The following DNM3 variants were observed in gnomAD, a reference collection of about 807,000 sequenced individuals.
DNM3 encodes the protein dynamin-3.
DNM3 carries 47 observed loss-of-function variants against 101.6 expected under a neutral mutation model. The observed-to-expected ratio is 0.46, with a 90% CI of 0.37 to 0.59. The LOEUF (loss-of-function observed/expected upper bound fraction) is 0.59. DNM3 is among the 20% of genes least tolerant of loss of function. The pLI is 0.00. For missense variants in DNM3, 849 were observed against 1,085.7 expected (o/e 0.78, Z 3.06); for synonymous variants, 385 against 387.9 (o/e 0.99, Z 0.09).
intron 14 of DNM3, among the ~76,000 whole-genome samples, chr1:172,228,399 C>T (rs1191462933): frequency 4.1e-4 from 62 of 152,058 alleles, no homozygotes; most frequent in Admixed American, 4.1e-3. Context: ...GTCGGTTTCA[C>T]TCTTTCTTCG....
chr1:172,045,061 A>G (rs1409557016), intron 9 of DNM3, among the ~76,000 whole-genome samples: 2 of 151,938 alleles, frequency 1.3e-5, no homozygotes, highest in East Asian at 3.9e-4. Flanking sequence ...CCAAAGGCAA[A>G]GAGGTGAGCG....
chr1:172,316,571 A>T (rs1194583459), intron 16 of DNM3, among the ~76,000 whole-genome samples: 1 of 152,114 alleles, frequency 6.6e-6, no homozygotes, highest in Non-Finnish European at 1.5e-5. Context: ...AAAACAAAAA[A>T]AGGCAGGGGT....
At chr1:172,009,403 G>T (rs965592973) in intron 4 of DNM3, among the ~76,000 whole-genome samples, 29 of 150,758 alleles carry the variant, frequency 1.9e-4, no homozygotes, top group African/African-American at 7.0e-4. Context: ...AAGCTTACTG[G>T]GATTTTGCTT....
intron 1 of DNM3, among the ~76,000 whole-genome samples, chr1:171,846,632 T>A (rs1303868794): frequency 6.6e-6 from 1 of 152,212 alleles, no homozygotes; most frequent in Non-Finnish European, 1.5e-5. Flanking sequence ...AGAAATAGAT[T>A]ATTTTTTTCC....
intron 16 of DNM3, among the ~76,000 whole-genome samples, chr1:172,315,917 A>G (rs2065323951): frequency 6.6e-6 from 1 of 152,092 alleles, no homozygotes; most frequent in Non-Finnish European, 1.5e-5. Flanking sequence ...GAGAAGAGCA[A>G]CTCCGAGACA....
At chr1:172,391,106 C>T (rs1359366249) in intron 20 of DNM3, among the ~76,000 whole-genome samples, 1 of 152,176 alleles carries the variant, frequency 6.6e-6, no homozygotes, top group Non-Finnish European at 1.5e-5. Context: ...GGCAGCAGGG[C>T]TTAATGAGAC....
chr1:172,168,622 T>C (rs1049596522), intron 14 of DNM3, among the ~76,000 whole-genome samples: 3 of 151,942 alleles, frequency 2.0e-5, no homozygotes, highest in African/African-American at 7.2e-5. Context: ...CATGACTTAG[T>C]TGAAAGTATT....
At position 172,387,553 on chromosome 1, in the gene DNM3, G is replaced by A. The variant is rs552516676; in HGVS notation, c.2285+194G>A. ...GGGTGCCTGTAGTCCCAGCTACTCGGGAGGCTGAGGCAGGAGAATGGTGTG... is the reference window on the plus strand; with the variant it reads ...GGGTGCCTGTAGTCCCAGCTACTCGAGAGGCTGAGGCAGGAGAATGGTGTG... On this transcript the variant is annotated intron_variant, in intron 19 of 20. Transcript: ENST00000627582. 5.3e-5 allele frequency among the ~76,000 whole-genome samples: 8 copies of A among 152,096 alleles called. No homozygotes were observed. The South Asian group carries it at 1.5e-3, about 28-fold the overall frequency.
chr1:171,984,418 C>T (rs2045086402), intron 2 of DNM3, among the ~76,000 whole-genome samples: 1 of 152,182 alleles, frequency 6.6e-6, no homozygotes, highest in African/African-American at 2.4e-5. Context: ...CCGCCCGGTG[C>T]TCCAGCCACG....
At chr1:172,212,055 A>G (rs2060532219) in intron 14 of DNM3, among the ~76,000 whole-genome samples, 1 of 152,080 alleles carries the variant, frequency 6.6e-6, no homozygotes, top group Non-Finnish European at 1.5e-5. Flanking sequence ...ATAGGCAGTA[A>G]TTTGGTTTTT....
At chr1:171,890,947 T>C (rs1408220570) in intron 1 of DNM3, among the ~76,000 whole-genome samples, 1 of 152,204 alleles carries the variant, frequency 6.6e-6, no homozygotes, top group East Asian at 1.9e-4. Context: ...GGATTACAGA[T>C]GTGAGCCACT....
intron 1 of DNM3, among the ~76,000 whole-genome samples, chr1:171,857,444 T>A (rs1465590686): frequency 6.6e-6 from 1 of 152,094 alleles, no homozygotes; most frequent in South Asian, 2.1e-4. Context: ...ATAGTAAAAT[T>A]CATAGAAGTA....
intron 1 of DNM3, among the ~76,000 whole-genome samples, chr1:171,901,110 C>T (rs113944361): frequency 0.49 from 53,158 of 108,944 alleles, 12,338 homozygotes; most frequent in East Asian, 0.66. Flanking sequence ...GAGACTCTGT[C>T]TCAAAAAAAA....
chr1:171,924,719 G>C (rs990185404), intron 2 of DNM3, among the ~76,000 whole-genome samples: 1 of 152,130 alleles, frequency 6.6e-6, no homozygotes, highest in Non-Finnish European at 1.5e-5. Flanking sequence ...TGAGATTTGG[G>C]TGGGGACACA....
At chr1:171,943,292 C>A (rs185294467) in intron 2 of DNM3, among the ~76,000 whole-genome samples, 1 of 152,176 alleles carries the variant, frequency 6.6e-6, no homozygotes, top group East Asian at 1.9e-4. Context: ...TTTGAATAGA[C>A]CCCTCTTCTT....
At chr1:172,081,435 G>A (rs765062930) in intron 11 of DNM3, among the ~76,000 whole-genome samples, 1 of 152,176 alleles carries the variant, frequency 6.6e-6, no homozygotes, top group Non-Finnish European at 1.5e-5. Context: ...AATATATGAT[G>A]TCTACAGGAA....
intron 4 of DNM3, among the ~76,000 whole-genome samples, chr1:172,010,591 T>C (rs553419535): frequency 6.6e-6 from 1 of 151,020 alleles, no homozygotes; most frequent in Non-Finnish European, 1.5e-5. Context: ...TCTCTCTTTT[T>C]TCCCTCTCTG....
downstream of DNM3, among the ~76,000 whole-genome samples, chr1:172,413,406 T>C (rs2071316755): frequency 1.3e-5 from 2 of 152,126 alleles, no homozygotes; most frequent in South Asian, 4.1e-4. Flanking sequence ...TTTTTTGTAA[T>C]TTAGTAGAGA....
chr1:172,329,316 T>A (rs1273172521), intron 17 of DNM3, among the ~76,000 whole-genome samples: 1 of 151,938 alleles, frequency 6.6e-6, no homozygotes, highest in East Asian at 1.9e-4. Context: ...TATAGAAAAA[T>A]TTAAATGTAA....
Sources: allele counts gnomAD v4.1 joint callset (sites outside exome capture counted in the v4.1 genomes callset), GRCh38; gene constraint gnomAD v4.1.1; transcripts MANE v1.5; gene names NCBI Gene and HGNC (gene_info 2026-07-23, HGNC 2026-07-21).